The following SPOCK1 variants were observed in gnomAD, a reference collection of about 807,000 sequenced individuals.
The protein encoded by SPOCK1 is testican-1.
SPOCK1 carries 23 observed loss-of-function variants against 55.3 expected under a neutral mutation model. The observed-to-expected ratio is 0.42, with a 90% CI of 0.30 to 0.59. The LOEUF (loss-of-function observed/expected upper bound fraction) is 0.59. Ranked by LOEUF, SPOCK1 falls within the 20% of genes least tolerant of loss-of-function variation. SPOCK1 has a pLI of 0.22. For missense variants in SPOCK1, 499 were observed against 552.5 expected (o/e 0.90, Z 0.97); for synonymous variants, 226 against 221.0 (o/e 1.02, Z -0.20).
At chr5:137,267,465 T>C (rs1580838229) in intron 2 of SPOCK1, among the ~76,000 whole-genome samples, 2 of 152,262 alleles carry the variant, frequency 1.3e-5, no homozygotes, top group Middle Eastern at 6.8e-3. Flanking sequence ...TTCTTTTACA[T>C]ACAGACACGC....
At chr5:137,305,297 A>G (rs58172011) in intron 2 of SPOCK1, among the ~76,000 whole-genome samples, 44,352 of 152,074 alleles carry the variant, frequency 0.29, 7,611 homozygotes, top group African/African-American at 0.47. Context: ...TGCCTTGAAC[A>G]GCACTCTCAC....
At chr5:137,204,713 C>G (rs531824830) in intron 3 of SPOCK1, among the ~76,000 whole-genome samples, 2 of 152,258 alleles carry the variant, frequency 1.3e-5, no homozygotes, top group African/African-American at 4.8e-5. Context: ...AGTCTCCATC[C>G]AACAGCCAGA....
At chr5:137,235,813 G>C (rs1213995968) in intron 3 of SPOCK1, among the ~76,000 whole-genome samples, 1 of 152,236 alleles carries the variant, frequency 6.6e-6, no homozygotes, top group East Asian at 1.9e-4. Flanking sequence ...GAGTACAAGA[G>C]GCAGGCAGCT....
At chr5:137,194,638 C>G (rs1486308143) in intron 3 of SPOCK1, among the ~76,000 whole-genome samples, 1 of 152,148 alleles carries the variant, frequency 6.6e-6, no homozygotes, top group Non-Finnish European at 1.5e-5. Flanking sequence ...TCCTCCCCTC[C>G]TCCAACATCC....
chr5:137,131,671 A>C (rs929667081), intron 4 of SPOCK1, among the ~76,000 whole-genome samples: 15 of 148,874 alleles, frequency 1.0e-4, no homozygotes, highest in South Asian at 8.5e-4. Flanking sequence ...GGTCTACCTG[A>C]ATACTAAAAA....
chr5:137,297,966 C>CGGT (rs1561496816), intron 2 of SPOCK1, among the ~76,000 whole-genome samples: 1 of 152,054 alleles, frequency 6.6e-6, no homozygotes, highest in African/African-American at 2.4e-5. Flanking sequence ...GATTCAAAGG[C>CGGT]GGTATTTTAC....
chr5:137,303,297 T>C (rs1336527530), intron 2 of SPOCK1, among the ~76,000 whole-genome samples: 1 of 152,002 alleles, frequency 6.6e-6, no homozygotes, highest in Non-Finnish European at 1.5e-5. Context: ...GCGAGACCTA[T>C]AAGATGTGGG....
chr5:137,448,922 T>G (rs1753190089), intron 2 of SPOCK1, among the ~76,000 whole-genome samples: 1 of 152,194 alleles, frequency 6.6e-6, no homozygotes, highest in African/African-American at 2.4e-5. Flanking sequence ...TGCCCTTCAG[T>G]AGGAATCTGG....
chr5:137,236,992 A>G (rs554760821), intron 3 of SPOCK1, among the ~76,000 whole-genome samples: 1 of 152,310 alleles, frequency 6.6e-6, no homozygotes, highest in African/African-American at 2.4e-5. Context: ...GAGGCCTGTT[A>G]TCGAAAACCA....
chr5:137,426,069 G>A (rs1382178731), intron 2 of SPOCK1, among the ~76,000 whole-genome samples: 1 of 151,932 alleles, frequency 6.6e-6, no homozygotes, highest in Admixed American at 6.6e-5. Context: ...TCCAACCCTG[G>A]CTTGGCCACA....
chr5:137,012,137 C>T (rs556250788), intron 6 of SPOCK1, among the ~76,000 whole-genome samples: 2 of 152,258 alleles, frequency 1.3e-5, no homozygotes, highest in South Asian at 2.1e-4. Flanking sequence ...ACTCAGCACA[C>T]GAACGTTCTG....
intron 2 of SPOCK1, among the ~76,000 whole-genome samples, chr5:137,291,181 C>A (rs28437395): frequency 0.26 from 39,317 of 151,946 alleles, 5,827 homozygotes; most frequent in South Asian, 0.34. Flanking sequence ...TCTGCCTCAG[C>A]AGAAGCATGC....
intron 5 of SPOCK1, among the ~76,000 whole-genome samples, chr5:137,091,209 G>A (rs1334643509): frequency 6.6e-6 from 1 of 152,136 alleles, no homozygotes; most frequent in Middle Eastern, 3.2e-3. Flanking sequence ...ATCCTCCCAA[G>A]GACTATCTCT....
Position 136,978,617 on chromosome 5 carries a change from A to C in SPOCK1, c.*37T>G, listed in dbSNP as rs779998344. On this transcript the variant is annotated 3_prime_UTR_variant, in exon 11 of 11. Transcript: ENST00000394945. ...ATGCAGGAATAGGAAGTGACTTGCA[A>C]TTTTGTGCAAAACTTGTGTCCTCTT... 1 of 1,556,012 alleles carries C rather than the reference A, an allele frequency of 6.4e-7. No homozygotes were observed. Among genetic ancestry groups the C allele is most frequent in the Admixed American group, 2.0e-5 (1 of 50,794 alleles).
At chr5:137,229,537 C>A (rs1756009168) in intron 3 of SPOCK1, among the ~76,000 whole-genome samples, 1 of 152,168 alleles carries the variant, frequency 6.6e-6, no homozygotes, top group Non-Finnish European at 1.5e-5. Context: ...AGAGACCCAT[C>A]TGCTAGAAAG....
chr5:137,290,758 G>A (rs1040583117), intron 2 of SPOCK1, among the ~76,000 whole-genome samples: 6 of 152,276 alleles, frequency 3.9e-5, no homozygotes, highest in Admixed American at 2.6e-4. Context: ...ATGGCAGAAC[G>A]GACAGGTTTC....
chr5:137,014,647 G>T (rs1751416512), intron 6 of SPOCK1, among the ~76,000 whole-genome samples: 1 of 152,108 alleles, frequency 6.6e-6, no homozygotes, highest in Admixed American at 6.5e-5. Context: ...ATCCACAAGA[G>T]GGACTTTCTG....
chr5:137,079,424 T>TCA (rs1561601515), intron 5 of SPOCK1, among the ~76,000 whole-genome samples: 1 of 151,866 alleles, frequency 6.6e-6, no homozygotes, highest in Non-Finnish European at 1.5e-5. Context: ...TGAAGTCATC[T>TCA]CTATCCATCT....
intron 6 of SPOCK1, among the ~76,000 whole-genome samples, chr5:137,037,140 C>T (rs1272272784): frequency 2.0e-5 from 3 of 151,948 alleles, no homozygotes; most frequent in Non-Finnish European, 4.4e-5. Flanking sequence ...CCCTTCTCCC[C>T]TACTTAGGAA....
Sources: allele counts gnomAD v4.1 joint callset (sites outside exome capture counted in the v4.1 genomes callset), GRCh38; gene constraint gnomAD v4.1.1; transcripts MANE v1.5; gene names NCBI Gene and HGNC (gene_info 2026-07-23, HGNC 2026-07-21).